TNRC18: variants seen among roughly 807,000 people sequenced by gnomAD.
TNRC18 encodes the protein trinucleotide repeat-containing gene 18 protein.
A neutral mutation model predicts 226.7 loss-of-function variants in TNRC18; 69 were observed. That is an observed-to-expected ratio of 0.30 (90% CI 0.25 to 0.37). The LOEUF (loss-of-function observed/expected upper bound fraction) is 0.37. Ranked by LOEUF, TNRC18 falls within the 10% of genes least tolerant of loss-of-function variation. TNRC18 has a pLI of 1.00. For synonymous variants in TNRC18, 2,449 were observed against 1,927.6 expected (o/e 1.27, Z -7.09); for missense variants, 4,754 against 4,256.6 (o/e 1.12, Z -3.25).
rs368368703 is a variant in TNRC18 at position 5,370,697 on chromosome 7, G to A, written c.3897C>T (p.Pro1299=). 136 of 1,611,016 alleles carry A rather than the reference G, an allele frequency of 8.4e-5. No individual in the cohort carries two copies. Among genetic ancestry groups the A allele is most frequent in the South Asian group, 3.9e-4 (35 of 90,674 alleles). The change falls in exon 11 of 30, where the codon CCC becomes CCT. Residue 1299 remains proline, a synonymous_variant. Coordinates refer to ENST00000430969, the MANE Select transcript of TNRC18 (RefSeq NM_001080495.3). ...PTLEMSDCDV[P]AGEGQCPSLE... ...GGCTCGGGCACTGTCCCTCCCCGGC[G>A]GGCACGTCACAGTCTGACATTTCTA...
intron 2 of TNRC18, among the ~76,000 whole-genome samples, chr7:5,415,528 C>A (rs1782128145): frequency 6.6e-6 from 1 of 151,676 alleles, no homozygotes. Context: ...CAGGCACCCG[C>A]CACCACACCC....
At position 5,389,183 on chromosome 7, in the gene TNRC18, C is replaced by A; in HGVS notation, c.641G>T (p.Gly214Val). The A allele has an allele frequency of 7.6e-7, 1 of 1,316,162 alleles. No homozygotes were observed. The highest frequency in any genetic ancestry group is 3.6e-5 in the East Asian group (1 of 27,844). The allele number at this position is 1,316,162 out of a possible 1,614,324, so 81.5% of individuals were successfully genotyped here. A position where few individuals can be genotyped will look rare whatever the true frequency, so the allele number is the denominator to read the frequency against. The part of the protein sequence containing the change: ...GPAKERAGRG[G>V]EPPPLFGKKD... ...CTTGCCGAAAAGCGGAGGCGGCTCCCCGCCGCGGCCCGCCCGCTCCTTGGC... is the reference window on the plus strand; with the variant it reads ...CTTGCCGAAAAGCGGAGGCGGCTCCACGCCGCGGCCCGCCCGCTCCTTGGC... Residue 214 changes from glycine to valine, a missense_variant, in exon 5 of 30, where the codon GGG becomes GTG. Gly to Val is a moderately radical substitution (Grantham distance 109). Transcript: ENST00000430969.
chr7:5,325,327 C>T, intron 19 of TNRC18, 79 bp from the exon 20 acceptor site: 1 of 1,496,026 alleles, frequency 6.7e-7, no homozygotes, highest in Non-Finnish European at 8.9e-7. Flanking sequence ...CTCACTCACT[C>T]ACCCCCAAGT....
intron 18 of TNRC18, among the ~76,000 whole-genome samples, chr7:5,336,024 T>G (rs1277950900): frequency 6.6e-6 from 1 of 151,762 alleles, no homozygotes; most frequent in Non-Finnish European, 1.5e-5. Context: ...CTGGCCAACA[T>G]GGCAAAACCC....
In TNRC18 at chr7:5,332,668, G is replaced by T; in HGVS notation, c.6101C>A (p.Pro2034Gln). Residue 2034 changes from proline to glutamine, a missense_variant, in exon 19 of 30, where the codon CCG (proline) becomes CAG (glutamine). Transcript: ENST00000430969. ...CTTTGCACGCCCGGCGTCCTTGCGCGGGCTCAGGGGGCCGCCCTTGGCGCA... is the reference window on the plus strand; with the variant it reads ...CTTTGCACGCCCGGCGTCCTTGCGCTGGCTCAGGGGGCCGCCCTTGGCGCA... ...SRCAKGGPLSPRKDAGRAKDR... is the reference protein window; with the variant it reads ...SRCAKGGPLSQRKDAGRAKDR... The T allele has an allele frequency of 1.3e-6, 2 of 1,529,394 alleles. No individual in the cohort carries two copies. The highest frequency in any genetic ancestry group is 2.1e-5 in the Admixed American group (1 of 47,842). 94.7% of individuals were successfully genotyped at this position (1,529,394 alleles called of 1,614,324 possible).
At chr7:5,364,728 C>G (rs1403472190) in intron 11 of TNRC18, among the ~76,000 whole-genome samples, 1 of 149,432 alleles carries the variant, frequency 6.7e-6, no homozygotes, top group Admixed American at 6.8e-5. Context: ...CGCTTGAACC[C>G]AGGAGGCAGA....
At chr7:5,327,373 G>A (rs1185626487) in intron 19 of TNRC18, among the ~76,000 whole-genome samples, 3 of 12,126 alleles carry the variant, frequency 2.5e-4, no homozygotes, top group Admixed American at 2.4e-3. Context: ...GTGTTTGTGC[G>A]TGTGTGTGTG....
rs2128224676 is a variant in TNRC18 at position 5,419,637 on chromosome 7, G to A, written c.187+1423C>T. 2.0e-5 allele frequency among the ~76,000 whole-genome samples: 3 copies of A among 152,158 alleles called. No homozygotes were observed. In the South Asian group the frequency reaches 6.2e-4, roughly 32 times the overall value. On this transcript the variant is annotated intron_variant, in intron 2 of 29. Coordinates refer to ENST00000430969, the MANE Select transcript of TNRC18 (RefSeq NM_001080495.3). ...CCCTTGCCCCGGTCACAGACCCCGG[G>A]CGGAATACGCCCCCAGCTCCGGAGG...
intron 2 of TNRC18, among the ~76,000 whole-genome samples, chr7:5,419,566 G>A (rs1038745655): frequency 3.9e-5 from 6 of 152,228 alleles, no homozygotes; most frequent in Non-Finnish European, 8.8e-5. Flanking sequence ...TTCCTCGGGG[G>A]TCCCCCGCGC....
At chr7:5,401,103 G>A (rs901078645) in intron 2 of TNRC18, among the ~76,000 whole-genome samples, 20 of 151,976 alleles carry the variant, frequency 1.3e-4, no homozygotes, top group Admixed American at 8.5e-4. Context: ...CAATGCTTTG[G>A]GAGGCCGAGT....
Position 5,315,886 on chromosome 7 carries a change from G to T in TNRC18, c.6862+70C>A. 9.9e-6 allele frequency: 12 copies of T among 1,207,068 alleles called. No individual in the cohort carries two copies. In the South Asian group the frequency reaches 1.9e-4, roughly 19 times the overall value. The allele number at this position is 1,207,068 out of a possible 1,614,324, so 74.8% of individuals were successfully genotyped here. A position where few individuals can be genotyped will look rare whatever the true frequency, so the allele number is the denominator to read the frequency against. On this transcript the variant is annotated intron_variant, in intron 25 of 29. Coordinates refer to ENST00000430969, the MANE Select transcript of TNRC18 (RefSeq NM_001080495.3). ...TGACTTCAGACAGAGCTCAGAGCCG[G>T]GCTTGGAGGGCGAGAGCCTGGGTGG...
chr7:5,402,705 C>G (rs964612749), intron 2 of TNRC18, among the ~76,000 whole-genome samples: 2 of 151,572 alleles, frequency 1.3e-5, no homozygotes, highest in Non-Finnish European at 2.9e-5. Context: ...AATATAAAAA[C>G]TAGCCGGGCG....
At chr7:5,325,516 C>A (rs1788823895) in intron 19 of TNRC18, 1 of 377,044 alleles carries the variant, frequency 2.7e-6, no homozygotes. Flanking sequence ...CTCTGCCTCC[C>A]GGGTTCACGC....
chr7:5,387,017 T>C (rs912040118), intron 5 of TNRC18, among the ~76,000 whole-genome samples: 1 of 152,152 alleles, frequency 6.6e-6, no homozygotes, highest in Non-Finnish European at 1.5e-5. Flanking sequence ...GAGGTTGCGG[T>C]GAGCTGAGAT....
rs1364992097 is a variant in TNRC18, at chr7:5,388,362, G to C, written c.1462C>G (p.Gln488Glu). Residue 488 changes from glutamine (Q) to glutamate (E), a missense_variant, in exon 5 of 30, where the codon CAA (glutamine) becomes GAA (glutamate). Transcript: ENST00000430969. The stretch of plus-strand genomic sequence containing the variant: ...AGGCCGAAGAGCTTGGCGGCCTGTT[G>C]GGCTGCAGGACCGGCTGGGCCGCGG... ...APRGPAGPAA[Q>E]QAAKLFGLEP... is the part of the protein sequence containing the mutation. 3 of 1,570,176 alleles carry C rather than the reference G, an allele frequency of 1.9e-6. No homozygotes were observed. In the African/African-American group the frequency reaches 4.1e-5, roughly 22 times the overall value.
rs1296946371 is a variant in TNRC18, at chr7:5,387,866, C to T, written c.1958G>A (p.Arg653Gln). ...GGCGCTCTCGGGCCTCTCGGGGTCCCGCTTCAGCTGCCGGCCGCCGCCCGC... is the reference window on the plus strand; with the variant it reads ...GGCGCTCTCGGGCCTCTCGGGGTCCTGCTTCAGCTGCCGGCCGCCGCCCGC... The part of the protein sequence containing the change: ...PAAGGGRQLK[R>Q]DPERPESAKA... Residue 653 changes from arginine (R) to glutamine (Q), a missense_variant, in exon 5 of 30, where the codon CGG becomes CAG. Arg to Gln is a conservative substitution (Grantham distance 43). Transcript: ENST00000430969. The T allele has an allele frequency of 6.3e-7, 1 of 1,598,100 alleles. No homozygotes were observed. The highest frequency in any genetic ancestry group is 8.5e-7 in the Non-Finnish European group (1 of 1,175,076).
At position 5,325,319 on chromosome 7, in the gene TNRC18, C is replaced by T. The variant is rs1400596506; in HGVS notation, c.6148-71G>A. Reference sequence around the variant, plus strand: ...GCACAGGCAGCACCCCTGTCCCCCTCACTCACTCACCCCCAAGTTCTGTGC... The same window carrying T: ...GCACAGGCAGCACCCCTGTCCCCCTTACTCACTCACCCCCAAGTTCTGTGC... On this transcript the variant is annotated intron_variant, in intron 19 of 29. Coordinates refer to ENST00000430969, the MANE Select transcript of TNRC18 (RefSeq NM_001080495.3). The T allele has an allele frequency of 5.3e-6, 8 of 1,503,572 alleles. No homozygotes were observed. The Middle Eastern group carries it at 7.3e-4, about 137-fold the overall frequency. 93.1% of individuals were successfully genotyped at this position (1,503,572 alleles called of 1,614,324 possible).
At chr7:5,319,386 C>A (rs545202696) in intron 24 of TNRC18, among the ~76,000 whole-genome samples, 1 of 152,176 alleles carries the variant, frequency 6.6e-6, no homozygotes, top group African/African-American at 2.4e-5. Flanking sequence ...TCCATACCCC[C>A]TCTCTAGGAT....
At chr7:5,420,427 G>A (rs998681123) in intron 2 of TNRC18, 19 of 455,798 alleles carry the variant, frequency 4.2e-5, no homozygotes, top group Non-Finnish European at 7.1e-5. Context: ...GAGGGCCGGG[G>A]TCGCCGCCCT....
Sources: allele counts gnomAD v4.1 joint callset (sites outside exome capture counted in the v4.1 genomes callset), GRCh38; gene constraint gnomAD v4.1.1; transcripts MANE v1.5; gene names NCBI Gene and HGNC (gene_info 2026-07-23, HGNC 2026-07-21).